Variants in MBNL3 observed in about 807,000 individuals in gnomAD.
MBNL3 encodes muscleblind like splicing regulator 3, also known as muscleblind-like protein 3.
Under a neutral mutation model 24.5 loss-of-function variants are expected in MBNL3, and 6 were observed. The observed-to-expected ratio is 0.25, with a 90% CI of 0.13 to 0.48. The LOEUF (loss-of-function observed/expected upper bound fraction) is 0.48, where lower values mean the gene tolerates loss of function less well. Ranked by LOEUF, MBNL3 falls within the 20% of genes least tolerant of loss-of-function variation. The pLI is 0.99. For synonymous variants in MBNL3, 100 were observed against 101.7 expected (o/e 0.98, Z 0.10); for missense variants, 230 against 293.5 (o/e 0.78, Z 1.58).
At chrX:132,421,664 G>A (rs965095946) in intron 2 of MBNL3, among the ~76,000 whole-genome samples, 1 of 111,807 alleles carries the variant, frequency 8.9e-6, no homozygotes, top group African/African-American at 3.2e-5. Flanking sequence ...ACCATCACAA[G>A]CTTCTTTAAG....
chrX:132,408,624 A>G (rs1408530358), intron 2 of MBNL3, among the ~76,000 whole-genome samples: 5 of 112,160 alleles, frequency 4.5e-5, no homozygotes, highest in Non-Finnish European at 7.5e-5. Context: ...ATATACAGAT[A>G]AAGAAGTGAA....
chrX:132,458,131 AAC>A (rs1946462837), intron 1 of MBNL3, among the ~76,000 whole-genome samples: 1 of 111,207 alleles, frequency 9.0e-6, no homozygotes, highest in African/African-American at 3.3e-5. Context: ...TTATTCACTA[AAC>A]ACACAGTAAG....
chrX:132,396,980 G>C (rs1429103999), intron 3 of MBNL3, among the ~76,000 whole-genome samples: 1 of 83,706 alleles, frequency 1.2e-5, no homozygotes, highest in African/African-American at 4.5e-5. Context: ...GAATATATAT[G>C]AATATATATG....
At chrX:132,451,634 A>AC (rs1946117079) in intron 1 of MBNL3, among the ~76,000 whole-genome samples, 1 of 111,250 alleles carries the variant, frequency 9.0e-6, no homozygotes, top group Admixed American at 9.5e-5. Context: ...GCTGAGCTAG[A>AC]CCACTTGGCT....
intron 1 of MBNL3, among the ~76,000 whole-genome samples, chrX:132,476,022 A>G (rs1278297075): frequency 1.8e-5 from 2 of 111,780 alleles, no homozygotes; most frequent in South Asian, 3.8e-4. Context: ...AAAAGTATAA[A>G]GTCTCAGAAG....
At chrX:132,488,297 C>A (rs1007904227) in intron 1 of MBNL3, among the ~76,000 whole-genome samples, 1 of 111,587 alleles carries the variant, frequency 9.0e-6, no homozygotes, top group Non-Finnish European at 1.9e-5. Flanking sequence ...CAAAGAATCA[C>A]TTAAATGTCA....
intron 1 of MBNL3, among the ~76,000 whole-genome samples, chrX:132,485,615 T>A (rs1236146446): frequency 8.9e-6 from 1 of 112,210 alleles, no homozygotes; most frequent in Non-Finnish European, 1.9e-5. Flanking sequence ...CATGGAACCA[T>A]CTGGTATCCT....
chrX:132,422,458 C>T (rs1434082612), intron 2 of MBNL3, among the ~76,000 whole-genome samples: 1 of 111,673 alleles, frequency 9.0e-6, no homozygotes. Context: ...TTCAACAGAA[C>T]TAAACTACAC....
chrX:132,451,749 C>T (rs772397456), intron 1 of MBNL3, among the ~76,000 whole-genome samples: 1 of 111,593 alleles, frequency 9.0e-6, no homozygotes, highest in African/African-American at 3.3e-5. Context: ...CTCAGTGTCT[C>T]CCCAAACGGC....
rs765506054 is a variant in MBNL3, at chrX:132,392,473, A to T, written c.343-139T>A. ...TATTGTTTTCTTCTGATTTATTTTTAGCCTCATACTAATTCCCATAGAGGA... is the reference window on the plus strand; with the variant it reads ...TATTGTTTTCTTCTGATTTATTTTTTGCCTCATACTAATTCCCATAGAGGA... On this transcript the variant is annotated intron_variant, in intron 3 of 8. Coordinates refer to ENST00000370853, the MANE Select transcript of MBNL3 (RefSeq NM_001386889.1). The T allele has an allele frequency of 2.1e-5, 11 of 521,728 alleles. No individual in the cohort carries two copies. In the South Asian group the frequency reaches 4.6e-4, roughly 22 times the overall value. 43.0% of individuals were successfully genotyped at this position (521,728 alleles called of 1,213,427 possible).
chrX:132,445,406 T>C (rs926322704), intron 1 of MBNL3, among the ~76,000 whole-genome samples: 1 of 110,981 alleles, frequency 9.0e-6, no homozygotes, highest in Non-Finnish European at 1.9e-5. Context: ...CATGATTTCA[T>C]AGGCATCCTA....
Position 132,371,418 on chromosome X carries a change from T to C in MBNL3, c.*8248A>G. The C allele has an allele frequency of 8.9e-6, 1 of 112,463 alleles. No individual in the cohort carries two copies. 9.3% of individuals were successfully genotyped at this position (112,463 alleles called of 1,213,427 possible). On this transcript the variant is annotated 3_prime_UTR_variant, in exon 9 of 9. Coordinates refer to ENST00000370853, the MANE Select transcript of MBNL3 (RefSeq NM_001386889.1). ...CAGAATAAAGTATTACTAAATTACA[T>C]TTACTTTCTTAAAGAACAAAAATGA...
intron 2 of MBNL3, among the ~76,000 whole-genome samples, chrX:132,437,317 A>G (rs762616352): frequency 8.9e-6 from 1 of 111,781 alleles, no homozygotes; most frequent in African/African-American, 3.2e-5. Context: ...ACACACAGCA[A>G]CTAGATTTGG....
intron 1 of MBNL3, among the ~76,000 whole-genome samples, chrX:132,484,419 CAAT>C (rs1947895610): frequency 8.9e-6 from 1 of 111,902 alleles, no homozygotes; most frequent in African/African-American, 3.3e-5. Flanking sequence ...TAAAGAGACC[CAAT>C]AACCTCTGCT....
chrX:132,391,999 G>A (rs1195885413), intron 4 of MBNL3, 144 bp downstream of exon 4: 1 of 430,180 alleles, frequency 2.3e-6, no homozygotes, highest in African/African-American at 2.5e-5. Flanking sequence ...AGGTATGATT[G>A]CAGTACTAAA....
Position 132,373,037 on chromosome X carries a change from G to C in MBNL3, c.*6629C>G, listed in dbSNP as rs1457369495. The C allele has an allele frequency of 9.2e-6, 1 of 109,186 alleles. No homozygotes were observed. Among genetic ancestry groups the C allele is most frequent in the Non-Finnish European group, 1.9e-5 (1 of 52,256 alleles). 9.0% of individuals were successfully genotyped at this position (109,186 alleles called of 1,213,427 possible). A position where few individuals can be genotyped will look rare whatever the true frequency, so the allele number is the denominator to read the frequency against. On this transcript the variant is annotated 3_prime_UTR_variant, in exon 9 of 9. Transcript: ENST00000370853. ...GGTTAGTAATAGAGGGCTTTTTTTGGGGGGGGGCCTCAGTTACATCCATTT... is the reference window on the plus strand; with the variant it reads ...GGTTAGTAATAGAGGGCTTTTTTTGCGGGGGGGCCTCAGTTACATCCATTT...
At chrX:132,379,735 A>G in intron 8 of MBNL3, 58 bp from the exon 9 acceptor site, 1 of 959,749 alleles carries the variant, frequency 1.0e-6, no homozygotes, top group Non-Finnish European at 1.5e-6. Flanking sequence ...AGGTTATTGA[A>G]GGAAGAGTCA....
rs1301483612 is a variant in MBNL3, at chrX:132,378,525, G to C, written c.*1141C>G. On this transcript the variant is annotated 3_prime_UTR_variant, in exon 9 of 9. Transcript: ENST00000370853. ...AAAGAGCATGAGCCATTTGCATTTG[G>C]AAAATGGCATTTGTGTAAAAGGTGA... is the stretch of plus-strand genomic sequence containing the variant. 8.9e-6 allele frequency: 1 copy of C among 111,860 alleles called. No homozygotes were observed. Among genetic ancestry groups the C allele is most frequent in the Non-Finnish European group, 1.9e-5 (1 of 53,126 alleles). The allele number at this position is 111,860 out of a possible 1,213,427, so 9.2% of individuals were successfully genotyped here. A position where few individuals can be genotyped will look rare whatever the true frequency, so the allele number is the denominator to read the frequency against.
At chrX:132,437,558 T>A in intron 2 of MBNL3, among the ~76,000 whole-genome samples, 1 of 111,984 alleles carries the variant, frequency 8.9e-6, no homozygotes, top group East Asian at 2.8e-4. Context: ...CAGATGAAGT[T>A]ACTCAAGGAT....
Sources: allele counts gnomAD v4.1 joint callset (sites outside exome capture counted in the v4.1 genomes callset), GRCh38; gene constraint gnomAD v4.1.1; transcripts MANE v1.5; gene names NCBI Gene and HGNC (gene_info 2026-07-23, HGNC 2026-07-21).